The following CSMD1 variants were observed in gnomAD, a reference collection of about 807,000 sequenced individuals.
The protein encoded by CSMD1 is CUB and sushi domain-containing protein 1.
Under a neutral mutation model 417.5 loss-of-function variants are expected in CSMD1, and 213 were observed. The ratio of observed to expected loss-of-function variants is 0.51; its 90% CI spans 0.46 to 0.57. The LOEUF is 0.57. CSMD1 is among the 20% of genes least tolerant of loss of function. The pLI is 0.00. For synonymous variants in CSMD1, 2,862 were observed against 1,736.8 expected (o/e 1.65, Z -16.11); for missense variants, 6,923 against 4,529.7 (o/e 1.53, Z -15.17).
chr8:3,911,485 G>C (rs946469735), intron 5 of CSMD1, among the ~76,000 whole-genome samples: 2 of 148,320 alleles, frequency 1.3e-5, no homozygotes, highest in African/African-American at 2.5e-5. Flanking sequence ...CCAAGATTGC[G>C]CCACTGCACT....
At chr8:4,993,044 T>C (rs769342665) in intron 1 of CSMD1, among the ~76,000 whole-genome samples, 8 of 152,154 alleles carry the variant, frequency 5.3e-5, no homozygotes, top group Non-Finnish European at 8.8e-5. Context: ...TCCAGGCAGA[T>C]CTGGAGTTTC....
chr8:4,409,363 C>T (rs757082621), intron 3 of CSMD1, among the ~76,000 whole-genome samples: 78 of 152,216 alleles, frequency 5.1e-4, no homozygotes, highest in Non-Finnish European at 9.0e-4. Flanking sequence ...CCTCGAATTG[C>T]CTCAGACTAA....
chr8:4,245,234 A>G (rs1233904807), intron 3 of CSMD1, among the ~76,000 whole-genome samples: 2 of 152,204 alleles, frequency 1.3e-5, no homozygotes, highest in Non-Finnish European at 2.9e-5. Context: ...TCTAAATCGG[A>G]TGAAATCAAG....
intron 1 of CSMD1, among the ~76,000 whole-genome samples, chr8:4,883,958 C>A (rs745434596): frequency 6.6e-6 from 1 of 151,994 alleles, no homozygotes; most frequent in Admixed American, 6.5e-5. Flanking sequence ...TAGCTGCCTA[C>A]GAGCCTTCCA....
intron 5 of CSMD1, among the ~76,000 whole-genome samples, chr8:3,973,745 C>A (rs990779642): frequency 2.6e-5 from 4 of 152,196 alleles, no homozygotes; most frequent in Non-Finnish European, 5.9e-5. Flanking sequence ...CATTGATACA[C>A]TAATGCAAAC....
chr8:3,599,689 T>C (rs768723673), intron 8 of CSMD1, among the ~76,000 whole-genome samples: 4 of 152,194 alleles, frequency 2.6e-5, no homozygotes, highest in Non-Finnish European at 5.9e-5. Context: ...ATCTCCATTT[T>C]CCTTTGAGTA....
chr8:3,690,131 G>A (rs182216003), intron 7 of CSMD1, among the ~76,000 whole-genome samples: 19 of 152,292 alleles, frequency 1.2e-4, no homozygotes, highest in South Asian at 4.1e-4. Flanking sequence ...GGCTGAGACC[G>A]GAGGATCACT....
Position 3,649,504 on chromosome 8 carries a change from G to A in CSMD1, c.1010-32707C>T, listed in dbSNP as rs886330163. On this transcript the variant is annotated intron_variant, in intron 7 of 69. Transcript: ENST00000635120. ...GAGGCCTCAGGAAATTTACAATCAT[G>A]GTGGAAAGCAAAGGGGAAGCAAGGC... Among the ~76,000 whole-genome samples the A allele has an allele frequency of 2.0e-5, 3 of 152,118 alleles. No homozygotes were observed. The South Asian group carries it at 6.2e-4, about 32-fold the overall frequency.
At chr8:3,067,787 T>C (rs17079261) in intron 49 of CSMD1, among the ~76,000 whole-genome samples, 28,082 of 151,850 alleles carry the variant, frequency 0.18, 2,815 homozygotes, top group African/African-American at 0.25. Context: ...TTATGGTTTC[T>C]ATCCTTGGTT....
intron 10 of CSMD1, among the ~76,000 whole-genome samples, chr8:3,516,643 T>A (rs923463735): frequency 1.4e-4 from 21 of 152,288 alleles, no homozygotes; most frequent in African/African-American, 4.1e-4. Flanking sequence ...TAATTTTAAT[T>A]ATTGTGTTTT....
intron 5 of CSMD1, among the ~76,000 whole-genome samples, chr8:3,955,679 G>T (rs757345444): frequency 6.6e-6 from 1 of 152,100 alleles, no homozygotes; most frequent in Non-Finnish European, 1.5e-5. Context: ...TGTCTCAGAG[G>T]ATGAGGAAAG....
At chr8:3,606,258 T>G (rs979128883) in intron 8 of CSMD1, among the ~76,000 whole-genome samples, 1 of 152,192 alleles carries the variant, frequency 6.6e-6, no homozygotes, top group East Asian at 1.9e-4. Context: ...GTTAGGCAAT[T>G]TGGTGGTTGT....
chr8:3,691,602 C>G (rs958784953), intron 7 of CSMD1, among the ~76,000 whole-genome samples: 3 of 152,136 alleles, frequency 2.0e-5, no homozygotes, highest in African/African-American at 7.2e-5. Context: ...GGCTTCTATC[C>G]TATCCTAACA....
intron 3 of CSMD1, among the ~76,000 whole-genome samples, chr8:4,203,149 G>A (rs1388694417): frequency 1.3e-5 from 2 of 152,236 alleles, no homozygotes; most frequent in East Asian, 3.9e-4. Flanking sequence ...ACCTTTTCTG[G>A]CTCAGGTCAG....
chr8:4,158,974 G>A (rs1796993048), intron 3 of CSMD1, among the ~76,000 whole-genome samples: 1 of 152,118 alleles, frequency 6.6e-6, no homozygotes, highest in Non-Finnish European at 1.5e-5. Flanking sequence ...GGAGTGCAGT[G>A]GCACAATCTC....
chr8:3,676,953 T>G (rs758507830), intron 7 of CSMD1, among the ~76,000 whole-genome samples: 32 of 151,250 alleles, frequency 2.1e-4, no homozygotes, highest in Non-Finnish European at 3.7e-4. Flanking sequence ...AGTTAAACAA[T>G]GACAACACAA....
chr8:4,726,315 T>TAA (rs778884930), intron 1 of CSMD1, among the ~76,000 whole-genome samples: 60 of 141,266 alleles, frequency 4.2e-4, no homozygotes, highest in Admixed American at 3.2e-3. Flanking sequence ...GCGGGTTCTT[T>TAA]AAAAAAAAAA....
At chr8:3,395,578 C>T (rs1585101126) in intron 17 of CSMD1, among the ~76,000 whole-genome samples, 1 of 152,136 alleles carries the variant, frequency 6.6e-6, no homozygotes, top group Non-Finnish European at 1.5e-5. Flanking sequence ...GGACTGTTTG[C>T]AAAATACATT....
intron 1 of CSMD1, among the ~76,000 whole-genome samples, chr8:4,827,131 G>C (rs937832316): frequency 4.6e-5 from 7 of 152,058 alleles, no homozygotes; most frequent in South Asian, 2.1e-4. Context: ...CAATCAGCTA[G>C]AATAATTAAA....
Sources: allele counts gnomAD v4.1 joint callset (sites outside exome capture counted in the v4.1 genomes callset), GRCh38; gene constraint gnomAD v4.1.1; transcripts MANE v1.5; gene names NCBI Gene and HGNC (gene_info 2026-07-23, HGNC 2026-07-21).